Variants in FANCL observed in about 807,000 individuals in gnomAD.
FANCL encodes E3 ubiquitin-protein ligase FANCL.
A neutral mutation model predicts 59.4 loss-of-function variants in FANCL; 69 were observed. The observed-to-expected ratio is 1.16, with a 90% confidence interval of 0.96 to 1.42. FANCL has a LOEUF of 1.42. Among genes scored for constraint, FANCL ranks in the 40% most tolerant of loss-of-function variants. The pLI, the probability that FANCL is intolerant of heterozygous loss-of-function variation, is 0.00. For missense variants in FANCL, 519 were observed against 447.2 expected (o/e 1.16, Z -1.45); for synonymous variants, 180 against 147.1 (o/e 1.22, Z -1.62).
rs1297089311 is a variant in FANCL, at chr2:58,159,399, T to A, written c.*366A>T. On this transcript the variant is annotated 3_prime_UTR_variant, in exon 14 of 14. Transcript: ENST00000233741. ...ATCAAGAGTCTCAAGAACCTTTGAA[T>A]GAAGTAAACAGTTTCCCACAAAAAA... 2 of 1,613,214 alleles carry A rather than the reference T, an allele frequency of 1.2e-6. No individual in the cohort carries two copies. The highest frequency in any genetic ancestry group is 1.7e-5 in the Admixed American group (1 of 59,876).
At chr2:58,209,838 T>C (rs932469815) in intron 5 of FANCL, among the ~76,000 whole-genome samples, 3 of 152,214 alleles carry the variant, frequency 2.0e-5, no homozygotes, top group Non-Finnish European at 2.9e-5. Context: ...TTCCCCAATA[T>C]GTTAAAAATC....
At chr2:58,183,772 G>C (rs115524260) in intron 7 of FANCL, among the ~76,000 whole-genome samples, 151 of 151,900 alleles carry the variant, frequency 9.9e-4, no homozygotes, top group African/African-American at 3.5e-3. Context: ...GATGCTCACA[G>C]TATAGCAAAA....
At chr2:58,168,169 A>C (rs1686149965) in intron 7 of FANCL, among the ~76,000 whole-genome samples, 1 of 152,208 alleles carries the variant, frequency 6.6e-6, no homozygotes, top group Non-Finnish European at 1.5e-5. Context: ...CAAGATGGCC[A>C]AACAGGAACA....
chr2:58,199,166 T>C (rs1056943754), intron 6 of FANCL, among the ~76,000 whole-genome samples: 4 of 152,242 alleles, frequency 2.6e-5, no homozygotes, highest in Non-Finnish European at 5.9e-5. Context: ...CCTATGGAGG[T>C]GCAAGTTTGG....
At chr2:58,204,613 G>C (rs1057294265) in intron 5 of FANCL, among the ~76,000 whole-genome samples, 17 of 151,998 alleles carry the variant, frequency 1.1e-4, no homozygotes, top group Non-Finnish European at 2.4e-4. Context: ...TACAGTATGA[G>C]ACTTTAATGC....
chr2:58,235,807 T>C (rs1037087702), intron 1 of FANCL, among the ~76,000 whole-genome samples: 6 of 151,992 alleles, frequency 3.9e-5, no homozygotes, highest in African/African-American at 7.2e-5. Context: ...ACAGGAAAGA[T>C]GTAAATAAAG....
chr2:58,235,049 G>C (rs1211546504), intron 1 of FANCL, among the ~76,000 whole-genome samples: 1 of 151,986 alleles, frequency 6.6e-6, no homozygotes, highest in East Asian at 1.9e-4. Flanking sequence ...GCAAGATAGG[G>C]ATGGACAAAC....
intron 5 of FANCL, among the ~76,000 whole-genome samples, chr2:58,212,172 A>C (rs1691227662): frequency 6.6e-6 from 1 of 152,246 alleles, no homozygotes; most frequent in Admixed American, 6.5e-5. Context: ...GGGAAGCCTC[A>C]CAATCATGGT....
chr2:58,199,550 C>A (rs1689788247), intron 6 of FANCL, among the ~76,000 whole-genome samples: 1 of 151,940 alleles, frequency 6.6e-6, no homozygotes, highest in Admixed American at 6.6e-5. Context: ...GCAAGAAAAA[C>A]CTTTGAAAGA....
intron 7 of FANCL, among the ~76,000 whole-genome samples, chr2:58,198,050 T>C (rs3821210): frequency 1.3e-5 from 2 of 149,308 alleles, no homozygotes; most frequent in Non-Finnish European, 3.0e-5. Context: ...TGTGTGCGTG[T>C]GTGTGTGTGT....
chr2:58,223,153 C>A lies in FANCL; in HGVS notation c.274-1111G>T, dbSNP rs1461354452. Among the ~76,000 whole-genome samples the A allele has an allele frequency of 1.3e-4, 19 of 145,526 alleles. No individual in the cohort carries two copies. The East Asian group carries it at 2.4e-3, about 18-fold the overall frequency. On this transcript the variant is annotated intron_variant, in intron 4 of 13. Coordinates refer to ENST00000233741, the MANE Select transcript of FANCL (RefSeq NM_018062.4). Reference sequence around the variant, plus strand: ...CTGCTTTATGATGAAAAAAAAAAAACAACTGGGAAAACAGATCCGTACAGC... The same window carrying A: ...CTGCTTTATGATGAAAAAAAAAAAAAAACTGGGAAAACAGATCCGTACAGC...
At chr2:58,173,543 A>C (rs1465707364) in intron 7 of FANCL, among the ~76,000 whole-genome samples, 4 of 152,198 alleles carry the variant, frequency 2.6e-5, no homozygotes, top group East Asian at 3.9e-4. Flanking sequence ...ACTAAGCTTC[A>C]TAAGTGAAGG....
At position 58,202,715 on chromosome 2, in the gene FANCL, G is replaced by T. The variant is rs1690167387; in HGVS notation, c.471+1415C>A. 2.0e-5 allele frequency among the ~76,000 whole-genome samples: 3 copies of T among 151,544 alleles called. No homozygotes were observed. In the South Asian group the frequency reaches 6.2e-4, roughly 31 times the overall value. On this transcript the variant is annotated intron_variant, in intron 6 of 13. Coordinates refer to ENST00000233741, the MANE Select transcript of FANCL (RefSeq NM_018062.4). ...AGTATAGAAAAAAGCAGACAAAATG[G>T]ACCATATTAAATTGTCACAACCTCA...
chr2:58,177,261 C>T (rs1687428406), intron 7 of FANCL, among the ~76,000 whole-genome samples: 2 of 152,110 alleles, frequency 1.3e-5, no homozygotes, highest in Non-Finnish European at 1.5e-5. Flanking sequence ...TACCATTTGA[C>T]CCAGCCATCC....
chr2:58,164,900 G>A (rs573183499), intron 8 of FANCL, among the ~76,000 whole-genome samples: 19 of 152,064 alleles, frequency 1.2e-4, no homozygotes, highest in Non-Finnish European at 2.7e-4. Context: ...CCACGTATGT[G>A]ACATTCTTCC....
intron 5 of FANCL, among the ~76,000 whole-genome samples, chr2:58,213,901 T>C (rs1691435276): frequency 6.6e-6 from 1 of 152,194 alleles, no homozygotes; most frequent in Non-Finnish European, 1.5e-5. Context: ...AATGTGTGAC[T>C]ATCTCCAGGT....
In FANCL at chr2:58,232,047, A is replaced by AT; in HGVS notation, c.155+6dup. The AT allele has an allele frequency of 6.2e-7, 1 of 1,612,542 alleles. No homozygotes were observed. Among genetic ancestry groups the AT allele is most frequent in the East Asian group, 2.2e-5 (1 of 44,776 alleles). ...AAATGCACGTTTATAACTAAACACC[A>AT]TATCACCTTGCATTCTTCAGTTGTA... On this transcript the variant is annotated splice_region_variant and intron_variant, in intron 2 of 13. Transcript: ENST00000233741.
intron 6 of FANCL, 53 bp downstream of exon 6, chr2:58,204,077 T>C: frequency 3.8e-6 from 5 of 1,324,142 alleles, no homozygotes; most frequent in Non-Finnish European, 3.3e-6. Flanking sequence ...ATTCACAGAG[T>C]TCATTTCACA....
chr2:58,198,515 C>T, intron 7 of FANCL, 79 bp downstream of exon 7: 1 of 1,188,952 alleles, frequency 8.4e-7, no homozygotes, highest in Non-Finnish European at 1.2e-6. Flanking sequence ...AAGAAATAAT[C>T]CCCCCATGGA....
Sources: allele counts gnomAD v4.1 joint callset (sites outside exome capture counted in the v4.1 genomes callset), GRCh38; gene constraint gnomAD v4.1.1; transcripts MANE v1.5; gene names NCBI Gene and HGNC (gene_info 2026-07-23, HGNC 2026-07-21).